Variants in NRP2 observed in about 807,000 individuals in gnomAD.
NRP2 encodes neuropilin 2.
A neutral mutation model predicts 110.4 loss-of-function variants in NRP2; 52 were observed. The observed-to-expected ratio is 0.47, with a 90% confidence interval of 0.38 to 0.59. The LOEUF (loss-of-function observed/expected upper bound fraction) is 0.59, where lower values mean the gene tolerates loss of function less well. NRP2 is among the 20% of genes least tolerant of loss of function. NRP2 has a pLI of 0.00. For synonymous variants in NRP2, 508 were observed against 468.9 expected (o/e 1.08, Z -1.08); for missense variants, 1,049 against 1,203.0 (o/e 0.87, Z 1.89).
chr2:205,752,698 A>T, intron 11 of NRP2, 137 bp from the exon 12 acceptor site: 3 of 915,696 alleles, frequency 3.3e-6, no homozygotes, highest in Non-Finnish European at 5.2e-6. Context: ...AAGATGAGTT[A>T]AATGAATAAG....
intron 9 of NRP2, 89 bp from the exon 10 acceptor site, chr2:205,745,657 G>T: frequency 1.3e-6 from 2 of 1,502,758 alleles, no homozygotes; most frequent in East Asian, 2.3e-5. Context: ...AGGACGTGCG[G>T]GGCAGGGAGG....
rs36091636 is a variant in NRP2 at position 205,688,558 on chromosome 2, C to T, written c.73+5195C>T. 7.5e-3 allele frequency among the ~76,000 whole-genome samples: 1,145 copies of T among 152,242 alleles called. 5 individuals are homozygous for T. Among genetic ancestry groups the T allele is most frequent in the Non-Finnish European group, 0.013 (890 of 68,014 alleles). ...CAGTGGCCTTGTATCATGGCTGGCC[C>T]TCCAGGAGAAAGCATCTTCTAAAGG... On this transcript the variant is annotated intron_variant, in intron 1 of 16. Coordinates refer to ENST00000357785, the MANE Select transcript of NRP2 (RefSeq NM_003872.3).
At chr2:205,739,682 C>CTTTTTTT (rs3047659) in intron 7 of NRP2, among the ~76,000 whole-genome samples, 8 of 124,952 alleles carry the variant, frequency 6.4e-5, no homozygotes, top group Non-Finnish European at 1.3e-4. Context: ...GCTCTAGTTA[C>CTTTTTTT]TTTTTTTTTT....
At chr2:205,717,229 C>T (rs896482679) in intron 3 of NRP2, among the ~76,000 whole-genome samples, 2 of 152,026 alleles carry the variant, frequency 1.3e-5, no homozygotes, top group African/African-American at 4.8e-5. Flanking sequence ...TCCCCACCCA[C>T]CACCCACTCC....
At chr2:205,696,671 G>A (rs1027760378) in intron 1 of NRP2, among the ~76,000 whole-genome samples, 1 of 152,208 alleles carries the variant, frequency 6.6e-6, no homozygotes, top group African/African-American at 2.4e-5. Flanking sequence ...AGGCACTGCA[G>A]GTACAGGGAG....
At chr2:205,758,857 G>C (rs1219315467) in intron 12 of NRP2, among the ~76,000 whole-genome samples, 2 of 152,180 alleles carry the variant, frequency 1.3e-5, no homozygotes, top group African/African-American at 4.8e-5. Flanking sequence ...GTCACGTTCA[G>C]GCGACCTCTT....
At chr2:205,727,757 A>T in intron 6 of NRP2, 134 bp from the exon 7 acceptor site, 1 of 810,016 alleles carries the variant, frequency 1.2e-6, no homozygotes, top group Non-Finnish European at 1.9e-6. Flanking sequence ...AACTGATACT[A>T]ATTACAAGTA....
intron 15 of NRP2, among the ~76,000 whole-genome samples, chr2:205,780,324 C>A (rs944643884): frequency 1.3e-5 from 2 of 152,200 alleles, no homozygotes; most frequent in Admixed American, 6.5e-5. Flanking sequence ...CAGAGTGGAA[C>A]ATTTTATGAA....
At chr2:205,749,930 C>G in intron 11 of NRP2, 89 bp downstream of exon 11, 1 of 971,438 alleles carries the variant, frequency 1.0e-6, no homozygotes. Flanking sequence ...AGTGGTCCCC[C>G]AGATCAGAGA....
chr2:205,692,986 T>C (rs781705047), intron 1 of NRP2, among the ~76,000 whole-genome samples: 2 of 152,184 alleles, frequency 1.3e-5, no homozygotes, highest in African/African-American at 4.8e-5. Flanking sequence ...TAGACTTGAT[T>C]ACTAGGCTTT....
rs577035787 is a variant in NRP2 at position 205,770,305 on chromosome 2, G to T, written c.2425+3502G>T. On this transcript the variant is annotated intron_variant, in intron 15 of 16. Coordinates refer to ENST00000357785, the MANE Select transcript of NRP2 (RefSeq NM_003872.3). Reference sequence around the variant, plus strand: ...AGGTGCCTTTCTGCAGTTCTCCACAGTTCTCATCCAGACAAAACCAGGAGA... The same window carrying T: ...AGGTGCCTTTCTGCAGTTCTCCACATTTCTCATCCAGACAAAACCAGGAGA... Among the ~76,000 whole-genome samples, 275 of 152,288 alleles carry T rather than the reference G, an allele frequency of 1.8e-3. 4 individuals carry two copies. In the South Asian group the frequency reaches 0.019, roughly 10 times the overall value.
chr2:205,723,279 T>C (rs1357480151), intron 4 of NRP2, among the ~76,000 whole-genome samples: 2 of 152,340 alleles, frequency 1.3e-5, no homozygotes, highest in African/African-American at 2.4e-5. Flanking sequence ...TTGGGTCTAA[T>C]TAGTATTGGA....
In NRP2 at chr2:205,683,265, CT is replaced by C; in HGVS notation, c.-25del. On this transcript the variant is annotated 5_prime_UTR_variant, in exon 1 of 17. Coordinates refer to ENST00000357785, the MANE Select transcript of NRP2 (RefSeq NM_003872.3). ...TTAAACAAGAAACCTACGAACCCAGCTCTGGAAAGAGCCACCTTCTCCAAAA... is the reference window on the plus strand; with the variant it reads ...TTAAACAAGAAACCTACGAACCCAGCCTGGAAAGAGCCACCTTCTCCAAAA... 1 of 1,565,844 alleles carries C rather than the reference CT, an allele frequency of 6.4e-7. No homozygotes were observed. Among genetic ancestry groups the C allele is most frequent in the South Asian group, 1.1e-5 (1 of 89,642 alleles).
chr2:205,791,350 G>A (rs1414100771), intron 15 of NRP2, among the ~76,000 whole-genome samples: 1 of 152,222 alleles, frequency 6.6e-6, no homozygotes, highest in African/African-American at 2.4e-5. Context: ...AGCTTGGAAA[G>A]GCATAATTAG....
chr2:205,784,747 C>T (rs954235839), intron 15 of NRP2, among the ~76,000 whole-genome samples: 22 of 152,198 alleles, frequency 1.4e-4, no homozygotes, highest in African/African-American at 4.3e-4. Flanking sequence ...CCCCTTTCTG[C>T]ACCTTCCCCT....
rs570543638 is a variant in NRP2 at position 205,683,125 on chromosome 2, GCAAGAATAGAGGTGAAGACAAGCCAC to G, written c.-163_-138del. 3.2e-4 allele frequency: 194 copies of G among 610,398 alleles called. 1 individual carries two copies. In the African/African-American group the frequency reaches 3.3e-3, roughly 10 times the overall value. The allele number at this position is 610,398 out of a possible 1,614,324, so 37.8% of individuals were successfully genotyped here. A position where few individuals can be genotyped will look rare whatever the true frequency, so the allele number is the denominator to read the frequency against. ...TCCTCCTGGTGAGGTGGAAATTCCA[GCAAGAATAGAGGTGAAGACAAGCCAC>G]CAGGACTCAGGAGGGAAACGCTGAC... On this transcript the variant is annotated 5_prime_UTR_variant, in exon 1 of 17. The change abolishes the stop of an existing upstream ORF in the 5' untranslated region. Transcript: ENST00000357785.
At chr2:205,718,531 A>G (rs1002361506) in intron 3 of NRP2, among the ~76,000 whole-genome samples, 9 of 152,144 alleles carry the variant, frequency 5.9e-5, no homozygotes, top group Non-Finnish European at 1.5e-5. Context: ...CCTGCCAACA[A>G]CAGCCACACT....
At position 205,683,261 on chromosome 2, in the gene NRP2, C is replaced by G; in HGVS notation, c.-30C>G. On this transcript the variant is annotated 5_prime_UTR_variant, in exon 1 of 17. Coordinates refer to ENST00000357785, the MANE Select transcript of NRP2 (RefSeq NM_003872.3). Reference sequence around the variant, plus strand: ...AGATTTAAACAAGAAACCTACGAACCCAGCTCTGGAAAGAGCCACCTTCTC... The same window carrying G: ...AGATTTAAACAAGAAACCTACGAACGCAGCTCTGGAAAGAGCCACCTTCTC... 6.6e-7 allele frequency: 1 copy of G among 1,525,016 alleles called. No individual in the cohort carries two copies. Among genetic ancestry groups the G allele is most frequent in the Non-Finnish European group, 9.1e-7 (1 of 1,099,728 alleles). The allele number at this position is 1,525,016 out of a possible 1,614,324, so 94.5% of individuals were successfully genotyped here.
intron 15 of NRP2, chr2:205,776,115 C>A (rs969339117): frequency 4.4e-6 from 4 of 899,124 alleles, no homozygotes; most frequent in Admixed American, 1.7e-5. Context: ...GGACTGAGTA[C>A]CACCTTAGTC....
Sources: allele counts gnomAD v4.1 joint callset (sites outside exome capture counted in the v4.1 genomes callset), GRCh38; gene constraint gnomAD v4.1.1; transcripts MANE v1.5; gene names NCBI Gene and HGNC (gene_info 2026-07-23, HGNC 2026-07-21).